The following FGGY variants were observed in gnomAD, a reference collection of about 807,000 sequenced individuals.
FGGY encodes the protein FGGY carbohydrate kinase domain-containing protein.
FGGY carries 72 observed loss-of-function variants against 71.3 expected under a neutral mutation model. The ratio of observed to expected loss-of-function variants is 1.01; its 90% CI spans 0.84 to 1.23. The LOEUF (loss-of-function observed/expected upper bound fraction) is 1.23, where lower values mean the gene tolerates loss of function less well. Among genes scored for constraint, FGGY ranks in the 50% most tolerant of loss-of-function variants. The pLI is 0.00. For synonymous variants in FGGY, 251 were observed against 250.3 expected, an observed-to-expected ratio of 1.00 and a Z score of -0.02; for missense variants, 668 against 682.3, an observed-to-expected ratio of 0.98 and a Z score of 0.23.
chr1:59,697,819 C>A, intron 14 of FGGY: 4 of 720,336 alleles, frequency 5.6e-6, no homozygotes, highest in Non-Finnish European at 5.8e-6. Context: ...TTCTTCTGCC[C>A]AAGGCTTCAG....
chr1:59,603,296 G>A (rs1310184106), intron 8 of FGGY, among the ~76,000 whole-genome samples: 1 of 152,106 alleles, frequency 6.6e-6, no homozygotes, highest in Non-Finnish European at 1.5e-5. Context: ...CCAAGTGTTA[G>A]CATCTGAAAA....
intron 5 of FGGY, among the ~76,000 whole-genome samples, chr1:59,417,365 G>C (rs953746487): frequency 1.3e-5 from 2 of 152,116 alleles, no homozygotes; most frequent in Admixed American, 1.3e-4. Context: ...TCACTTTTTA[G>C]TTACTGTGAC....
intron 6 of FGGY, among the ~76,000 whole-genome samples, chr1:59,457,377 A>G (rs1403542742): frequency 6.6e-6 from 1 of 152,194 alleles, no homozygotes; most frequent in African/African-American, 2.4e-5. Context: ...TTGGGAACTG[A>G]GGCAGGCAGA....
intron 10 of FGGY, among the ~76,000 whole-genome samples, chr1:59,636,528 C>T (rs1488549737): frequency 1.3e-5 from 2 of 152,062 alleles, no homozygotes; most frequent in Non-Finnish European, 2.9e-5. Context: ...GAGGCTGAGG[C>T]AGGAGAATGG....
intron 9 of FGGY, among the ~76,000 whole-genome samples, chr1:59,624,515 G>C (rs1022369830): frequency 1.3e-5 from 2 of 152,148 alleles, no homozygotes; most frequent in African/African-American, 4.8e-5. Context: ...TGGCACTATA[G>C]TAGTGTATTA....
intron 7 of FGGY, among the ~76,000 whole-genome samples, chr1:59,546,941 C>T (rs947045586): frequency 3.5e-4 from 52 of 148,446 alleles, no homozygotes; most frequent in Non-Finnish European, 5.5e-4. Context: ...ATTGGGATTA[C>T]CTTTTTGACT....
chr1:59,342,217 C>T (rs965429634), intron 3 of FGGY, among the ~76,000 whole-genome samples: 2 of 152,098 alleles, frequency 1.3e-5, no homozygotes, highest in Non-Finnish European at 2.9e-5. Flanking sequence ...ATTCACTTGA[C>T]TTGAGGTGGA....
At chr1:59,427,332 T>A (rs921940779) in intron 5 of FGGY, among the ~76,000 whole-genome samples, 13 of 152,148 alleles carry the variant, frequency 8.5e-5, no homozygotes, top group Non-Finnish European at 1.9e-4. Flanking sequence ...TCTGCCTGCC[T>A]GACAGAAACA....
chr1:59,760,578 G>A (rs906549374), intron 15 of FGGY, among the ~76,000 whole-genome samples: 38 of 152,302 alleles, frequency 2.5e-4, no homozygotes, highest in Admixed American at 2.4e-3. Context: ...TATAAATGAA[G>A]AATGATATGT....
intron 6 of FGGY, among the ~76,000 whole-genome samples, chr1:59,478,434 A>G (rs1408804006): frequency 6.6e-6 from 1 of 152,168 alleles, no homozygotes; most frequent in Non-Finnish European, 1.5e-5. Flanking sequence ...CTTTGATCCC[A>G]CTTACCTCAT....
chr1:59,609,431 G>A (rs1236775644), intron 9 of FGGY, among the ~76,000 whole-genome samples: 1 of 152,200 alleles, frequency 6.6e-6, no homozygotes, highest in East Asian at 1.9e-4. Flanking sequence ...CCAGAGGCAG[G>A]GAGACTAGTT....
intron 14 of FGGY, among the ~76,000 whole-genome samples, chr1:59,689,971 T>G (rs1255540006): frequency 1.3e-5 from 2 of 152,188 alleles, no homozygotes; most frequent in African/African-American, 4.8e-5. Context: ...AGTTGGCCCT[T>G]TCAGTTTCAC....
chr1:59,512,263 T>G, intron 6 of FGGY, 48 bp from the exon 7 acceptor site: 1 of 1,556,776 alleles, frequency 6.4e-7, no homozygotes, highest in East Asian at 2.3e-5. Context: ...CTGTTTACTT[T>G]TGTGTTTTTC....
chr1:59,614,553 G>A (rs1471944472), intron 9 of FGGY, among the ~76,000 whole-genome samples: 1 of 152,134 alleles, frequency 6.6e-6, no homozygotes, highest in African/African-American at 2.4e-5. Context: ...TACTGAATGG[G>A]CAAAAACTGG....
intron 7 of FGGY, among the ~76,000 whole-genome samples, chr1:59,535,687 A>G (rs1420574442): frequency 1.3e-5 from 2 of 150,426 alleles, no homozygotes; most frequent in African/African-American, 2.5e-5. Flanking sequence ...CTCACTCAAA[A>G]CCGCTCAACT....
chr1:59,527,108 G>C (rs534255298), intron 7 of FGGY, among the ~76,000 whole-genome samples: 1 of 152,256 alleles, frequency 6.6e-6, no homozygotes, highest in South Asian at 2.1e-4. Flanking sequence ...AAAATATCTG[G>C]AATATTCTTC....
chr1:59,525,853 G>C (rs2094962213), intron 7 of FGGY, among the ~76,000 whole-genome samples: 1 of 152,120 alleles, frequency 6.6e-6, no homozygotes. Flanking sequence ...GTGTGTCTCT[G>C]TATATGTGCA....
chr1:59,480,608 A>T (rs2093433597), intron 6 of FGGY, among the ~76,000 whole-genome samples: 1 of 152,200 alleles, frequency 6.6e-6, no homozygotes, highest in Admixed American at 6.5e-5. Context: ...ATTTAAAAAG[A>T]AGAGGAGGAG....
At chr1:59,511,710 G>A (rs2094523279) in intron 6 of FGGY, among the ~76,000 whole-genome samples, 2 of 152,200 alleles carry the variant, frequency 1.3e-5, no homozygotes, top group Admixed American at 1.3e-4. Flanking sequence ...CATTCAAATT[G>A]TATTATATGA....
Sources: gnomAD v4.1 joint callset for allele counts (sites outside exome capture counted in the v4.1 genomes callset) on GRCh38, gnomAD v4.1.1 for gene constraint, MANE v1.5 for transcripts, NCBI Gene and HGNC (gene_info 2026-07-23, HGNC 2026-07-21) for gene names.